The following EPHA5 variants were observed in gnomAD, a reference collection of about 807,000 sequenced individuals.
EPHA5 encodes EPH receptor A5, also known as ephrin type-A receptor 5.
Under a neutral mutation model 105.0 loss-of-function variants are expected in EPHA5, and 60 were observed. That is an observed-to-expected ratio of 0.57 (90% CI 0.46 to 0.71). The LOEUF is 0.71. Among genes scored for constraint, EPHA5 ranks in the 30% least tolerant of loss-of-function variants. The probability of loss-of-function intolerance (pLI) is 0.00; values close to 1 mark genes in which losing one functional copy is unlikely to be tolerated. For missense variants in EPHA5, 1,218 were observed against 1,274.7 expected, an observed-to-expected ratio of 0.96 and a Z score of 0.68; for synonymous variants, 513 against 449.1, an observed-to-expected ratio of 1.14 and a Z score of -1.80.
At chr4:65,551,067 C>T (rs1238685041) in intron 3 of EPHA5, among the ~76,000 whole-genome samples, 2 of 151,246 alleles carry the variant, frequency 1.3e-5, no homozygotes, top group African/African-American at 4.9e-5. Context: ...CATATTTGTA[C>T]ATATACACAC....
At chr4:65,555,513 T>C (rs1738341466) in intron 3 of EPHA5, among the ~76,000 whole-genome samples, 1 of 151,754 alleles carries the variant, frequency 6.6e-6, no homozygotes. Context: ...AGTTTACCTA[T>C]GTAACAATCC....
intron 3 of EPHA5, among the ~76,000 whole-genome samples, chr4:65,583,399 T>G (rs1741830500): frequency 6.6e-6 from 1 of 151,836 alleles, no homozygotes. Context: ...GAGGAGGACA[T>G]TCGTCTTTAA....
chr4:65,534,377 G>A (rs1736101046), intron 3 of EPHA5, among the ~76,000 whole-genome samples: 1 of 152,116 alleles, frequency 6.6e-6, no homozygotes, highest in African/African-American at 2.4e-5. Flanking sequence ...GAATATGTGG[G>A]AGAAGTTGTT....
Position 65,601,949 on chromosome 4 carries a change from T to C in EPHA5, c.602A>G (p.Asp201Gly), listed in dbSNP as rs1161834938. The C allele has an allele frequency of 6.2e-7, 1 of 1,614,182 alleles. No homozygotes were observed. The highest frequency in any genetic ancestry group is 2.2e-5 in the East Asian group (1 of 44,880). ...TCCCTTTTTGCTTAGAGGTCCTACA[T>C]CTCTGACCTCTGTATTCAGTTTCAT... ...RVMKLNTEVR[D>G]VGPLSKKGFY... Residue 201 changes from aspartate to glycine, a missense_variant, in exon 3 of 17, where the codon GAT (aspartate) becomes GGT (glycine). Around this residue, in one of 3 missense-constraint regions of EPHA5, gnomAD observed 971 missense variants for 1,013.5 expected, o/e 0.96. Transcript: ENST00000613740.
intron 2 of EPHA5, among the ~76,000 whole-genome samples, chr4:65,615,257 G>A (rs7662659): frequency 0.87 from 132,213 of 151,784 alleles, 57,909 homozygotes; most frequent in Non-Finnish European, 0.91. Flanking sequence ...TAAATAGCAA[G>A]TATTTTACAA....
intron 3 of EPHA5, among the ~76,000 whole-genome samples, chr4:65,529,462 A>G (rs1043985587): frequency 6.6e-6 from 1 of 152,184 alleles, no homozygotes; most frequent in Non-Finnish European, 1.5e-5. Context: ...ATATGCACAC[A>G]CACAAATACA....
At chr4:65,617,966 T>C (rs1343084937) in intron 2 of EPHA5, among the ~76,000 whole-genome samples, 2 of 152,116 alleles carry the variant, frequency 1.3e-5, no homozygotes, top group African/African-American at 4.8e-5. Flanking sequence ...TAAATAAAAG[T>C]AGGGTTTATT....
In EPHA5 at chr4:65,490,408, A is replaced by G. The variant is rs1731282892; in HGVS notation, c.1371T>C (p.Tyr457=). Residue 457 remains tyrosine, a synonymous_variant, in exon 5 of 17, where the codon TAT becomes TAC. Coordinates refer to ENST00000613740, the MANE Select transcript of EPHA5 (RefSeq NM_001281766.3). ...VSDLSPGARQ[Y]VSVNVTTNQA... ...GATTTGTGGTTACATTTACAGACAC[A>G]TACTGCCGGGCTCCTGGGCTCAAGT... 1.9e-6 allele frequency: 3 copies of G among 1,614,146 alleles called. No individual in the cohort carries two copies. Among genetic ancestry groups the G allele is most frequent in the African/African-American group, 1.3e-5 (1 of 75,034 alleles).
At chr4:65,543,019 C>A (rs1487290775) in intron 3 of EPHA5, among the ~76,000 whole-genome samples, 1 of 152,020 alleles carries the variant, frequency 6.6e-6, no homozygotes, top group East Asian at 1.9e-4. Context: ...TAAAATTTAA[C>A]ATCCCTTCAA....
chr4:65,630,890 A>C (rs1746569363), intron 2 of EPHA5, among the ~76,000 whole-genome samples: 1 of 152,178 alleles, frequency 6.6e-6, no homozygotes, highest in East Asian at 1.9e-4. Flanking sequence ...ATAACTCATA[A>C]GGTTAGAATA....
intron 9 of EPHA5, among the ~76,000 whole-genome samples, chr4:65,366,606 A>C (rs1304537787): frequency 1.3e-5 from 2 of 151,906 alleles, no homozygotes; most frequent in Non-Finnish European, 1.5e-5. Context: ...TATCACATTT[A>C]ACGGCTACTA....
At chr4:65,593,096 T>G (rs1336648696) in intron 3 of EPHA5, among the ~76,000 whole-genome samples, 1 of 152,202 alleles carries the variant, frequency 6.6e-6, no homozygotes, top group Non-Finnish European at 1.5e-5. Flanking sequence ...TCCTCTAATT[T>G]GCTAAATATT....
intron 3 of EPHA5, among the ~76,000 whole-genome samples, chr4:65,499,559 A>G (rs749985863): frequency 2.0e-5 from 3 of 151,674 alleles, no homozygotes; most frequent in Non-Finnish European, 3.0e-5. Flanking sequence ...TTGAGATTGC[A>G]GTTACTTTCT....
chr4:65,509,485 G>T (rs948637132), intron 3 of EPHA5, among the ~76,000 whole-genome samples: 4 of 152,182 alleles, frequency 2.6e-5, no homozygotes, highest in African/African-American at 4.8e-5. Flanking sequence ...AGGAAGCCAG[G>T]AAAACAATAA....
chr4:65,403,656 G>T (rs1722074020), intron 8 of EPHA5, among the ~76,000 whole-genome samples: 1 of 151,644 alleles, frequency 6.6e-6, no homozygotes, highest in South Asian at 2.1e-4. Flanking sequence ...TTATTTTTAA[G>T]GAGGTTGATT....
At chr4:65,657,082 G>A (rs1233851304) in intron 1 of EPHA5, among the ~76,000 whole-genome samples, 1 of 151,318 alleles carries the variant, frequency 6.6e-6, no homozygotes, top group Non-Finnish European at 1.5e-5. Flanking sequence ...ATGCTATTCT[G>A]TTCACATAAT....
intron 5 of EPHA5, among the ~76,000 whole-genome samples, chr4:65,431,368 G>T (rs1724957323): frequency 6.6e-6 from 1 of 151,932 alleles, no homozygotes; most frequent in Non-Finnish European, 1.5e-5. Flanking sequence ...CACAAACTTT[G>T]ATACTTCACG....
intron 3 of EPHA5, among the ~76,000 whole-genome samples, chr4:65,554,673 A>T (rs1293522010): frequency 1.3e-5 from 2 of 151,888 alleles, no homozygotes; most frequent in African/African-American, 4.8e-5. Flanking sequence ...TGTGTGGCCA[A>T]TGAATGTCTC....
chr4:65,356,716 G>GA (rs1723331325), intron 11 of EPHA5, among the ~76,000 whole-genome samples: 2 of 151,516 alleles, frequency 1.3e-5, no homozygotes, highest in Admixed American at 6.6e-5. Flanking sequence ...TTCTTTTGTT[G>GA]ACAAGAATAA....
Sources: allele counts gnomAD v4.1 joint callset (sites outside exome capture counted in the v4.1 genomes callset), GRCh38; gene constraint gnomAD v4.1.1; regional missense constraint gnomAD v4.1.1; transcripts MANE v1.5; gene names NCBI Gene and HGNC (gene_info 2026-07-23, HGNC 2026-07-21).